The following ANK3 variants were observed in gnomAD, a reference collection of about 807,000 sequenced individuals.
ANK3 encodes the protein ankyrin 3, also known as ankyrin-3.
In ANK3, 57 loss-of-function variants were observed where a neutral mutation model predicts 370.9. The observed-to-expected ratio is 0.15, with a 90% CI of 0.12 to 0.19. The LOEUF is 0.19. Ranked by LOEUF, ANK3 falls within the 10% of genes least tolerant of loss-of-function variation. The pLI, the probability that ANK3 is intolerant of heterozygous loss-of-function variation, is 1.00. For synonymous variants in ANK3, 1,929 were observed against 1,946.3 expected (o/e 0.99, Z 0.23); for missense variants, 4,439 against 5,302.1 (o/e 0.84, Z 5.06).
intron 1 of ANK3, among the ~76,000 whole-genome samples, chr10:60,378,020 T>G (rs189063366): frequency 8.3e-4 from 127 of 152,302 alleles, no homozygotes; most frequent in Non-Finnish European, 1.5e-3. Flanking sequence ...AATCAATTTT[T>G]TGAGAAATTT....
At chr10:60,671,095 CTCTTA>C (rs1181441240) in intron 1 of ANK3, among the ~76,000 whole-genome samples, 1 of 152,150 alleles carries the variant, frequency 6.6e-6, no homozygotes, top group East Asian at 1.9e-4. Flanking sequence ...GAGAAATAAA[CTCTTA>C]TCTTATATAA....
rs533972969 is a variant in ANK3, at chr10:60,534,495, A to T, written c.96+80691T>A. Among the ~76,000 whole-genome samples the T allele has an allele frequency of 2.2e-4, 34 of 152,086 alleles. No homozygotes were observed. The East Asian group carries it at 5.8e-3, about 26-fold the overall frequency. On this transcript the variant is annotated intron_variant, in intron 2 of 43. Coordinates refer to the ANK3 transcript ENST00000373827. ...TCAAAGAATTCTTCAGGATATATAT[A>T]TTTTTTCTAATTGAAGTTGCTTCAA...
At chr10:60,585,115 T>C (rs2133285161) in intron 2 of ANK3, among the ~76,000 whole-genome samples, 1 of 152,266 alleles carries the variant, frequency 6.6e-6, no homozygotes, top group East Asian at 1.9e-4. Flanking sequence ...CTGAAATTAG[T>C]ACCTTCAAGC....
intron 2 of ANK3, among the ~76,000 whole-genome samples, chr10:60,425,928 T>C (rs1396013507): frequency 1.3e-5 from 2 of 152,256 alleles, no homozygotes; most frequent in Non-Finnish European, 2.9e-5. Flanking sequence ...TTAGGTTCTC[T>C]AGGTCTCAGT....
At chr10:60,448,329 T>A (rs1234044411) in intron 2 of ANK3, among the ~76,000 whole-genome samples, 1 of 152,214 alleles carries the variant, frequency 6.6e-6, no homozygotes, top group Non-Finnish European at 1.5e-5. Context: ...TAAAATGTCA[T>A]CATAACATTT....
intron 1 of ANK3, among the ~76,000 whole-genome samples, chr10:60,324,713 T>C (rs2049411852): frequency 6.6e-6 from 1 of 152,144 alleles, no homozygotes; most frequent in Non-Finnish European, 1.5e-5. Context: ...CCATAAAATC[T>C]TTTCCTACTC....
intron 32 of ANK3, 69 bp from the exon 33 acceptor site, chr10:60,083,686 A>G: frequency 7.3e-7 from 1 of 1,369,860 alleles, no homozygotes; most frequent in Non-Finnish European, 1.0e-6. Flanking sequence ...ATTTTATGTC[A>G]CGTAACGTTA....
chr10:60,502,297 C>T (rs549813901), intron 2 of ANK3, among the ~76,000 whole-genome samples: 1 of 152,256 alleles, frequency 6.6e-6, no homozygotes, highest in Non-Finnish European at 1.5e-5. Flanking sequence ...CACTAACAAA[C>T]AGATGCCAAT....
chr10:60,685,126 A>T, intron 1 of ANK3: 1 of 859,716 alleles, frequency 1.2e-6, no homozygotes, highest in Non-Finnish European at 1.7e-6. Flanking sequence ...CTCTGGTCTG[A>T]TTTTGACAAA....
intron 6 of ANK3, among the ~76,000 whole-genome samples, chr10:60,263,318 C>T (rs758281072): frequency 6.6e-5 from 10 of 152,270 alleles, no homozygotes; most frequent in South Asian, 4.1e-4. Flanking sequence ...GGCTACGCAA[C>T]GGCCTAGTCC....
intron 1 of ANK3, among the ~76,000 whole-genome samples, chr10:60,295,632 G>C (rs776610423): frequency 6.6e-6 from 1 of 151,878 alleles, no homozygotes; most frequent in Non-Finnish European, 1.5e-5. Flanking sequence ...CTACAGCAGC[G>C]GTTCTCAAAC....
chr10:60,297,900 A>T (rs2042884087), intron 1 of ANK3, among the ~76,000 whole-genome samples: 1 of 152,194 alleles, frequency 6.6e-6, no homozygotes, highest in Non-Finnish European at 1.5e-5. Context: ...GACTATATAA[A>T]ATATCCTACT....
intron 1 of ANK3, among the ~76,000 whole-genome samples, chr10:60,301,392 A>G (rs1330239390): frequency 1.4e-5 from 2 of 145,952 alleles, no homozygotes; most frequent in Non-Finnish European, 3.0e-5. Flanking sequence ...ATACATACAT[A>G]CACACACACA....
intron 1 of ANK3, among the ~76,000 whole-genome samples, chr10:60,721,552 T>A (rs1463746569): frequency 1.3e-5 from 2 of 152,216 alleles, no homozygotes; most frequent in Non-Finnish European, 2.9e-5. Flanking sequence ...TGACATCATA[T>A]CTTTGTTTTG....
intron 1 of ANK3, among the ~76,000 whole-genome samples, chr10:60,304,338 A>C (rs994392947): frequency 6.6e-6 from 1 of 152,160 alleles, no homozygotes; most frequent in African/African-American, 2.4e-5. Flanking sequence ...ATTATTTTAC[A>C]ATGTATATGT....
chr10:60,651,290 A>G (rs1187153198), intron 1 of ANK3, among the ~76,000 whole-genome samples: 1 of 152,204 alleles, frequency 6.6e-6, no homozygotes, highest in Non-Finnish European at 1.5e-5. Flanking sequence ...TGTGTGTTCA[A>G]GGATAACACA....
intron 23 of ANK3, among the ~76,000 whole-genome samples, chr10:60,148,656 G>A (rs1165503995): frequency 6.6e-6 from 1 of 152,138 alleles, no homozygotes; most frequent in Non-Finnish European, 1.5e-5. Flanking sequence ...GGTCAAAGGA[G>A]CACTGAAGTC....
Position 60,531,294 on chromosome 10 carries a change from A to G in ANK3, c.96+83892T>C, listed in dbSNP as rs562700853. Among the ~76,000 whole-genome samples, 8 of 152,264 alleles carry G rather than the reference A, an allele frequency of 5.3e-5. No homozygotes were observed. In the East Asian group the frequency reaches 1.2e-3, roughly 22 times the overall value. On this transcript the variant is annotated intron_variant, in intron 2 of 43. Coordinates refer to the ANK3 transcript ENST00000373827. ...GATACTGAAAGGGAAAGATTCACACAGTATATTAGGTGAAAACAGCAAGGT... is the reference window on the plus strand; with the variant it reads ...GATACTGAAAGGGAAAGATTCACACGGTATATTAGGTGAAAACAGCAAGGT...
intron 1 of ANK3, among the ~76,000 whole-genome samples, chr10:60,341,317 C>T (rs2054234664): frequency 6.6e-6 from 1 of 152,108 alleles, no homozygotes; most frequent in African/African-American, 2.4e-5. Flanking sequence ...GCTCATGTAT[C>T]TTCTGGCTTA....
Sources: allele counts gnomAD v4.1 joint callset (sites outside exome capture counted in the v4.1 genomes callset), GRCh38; gene constraint gnomAD v4.1.1; transcripts MANE v1.5; gene names NCBI Gene and HGNC (gene_info 2026-07-23, HGNC 2026-07-21).